The following FHAD1 variants were observed in gnomAD, a reference collection of about 807,000 sequenced individuals.
FHAD1 encodes the protein forkhead associated phosphopeptide binding domain 1.
In FHAD1, 146 loss-of-function variants were observed where a neutral mutation model predicts 191.3. The ratio of observed to expected loss-of-function variants is 0.76; its 90% CI spans 0.67 to 0.88. FHAD1 has a LOEUF of 0.88. FHAD1 is among the 40% of genes least tolerant of loss of function. The pLI is 0.00. For synonymous variants in FHAD1, 616 were observed against 672.3 expected (o/e 0.92, Z 1.29); for missense variants, 1,635 against 1,785.8 (o/e 0.92, Z 1.52).
At chr1:15,363,773 T>G (rs945948914) in intron 23 of FHAD1, 3 of 456,316 alleles carry the variant, frequency 6.6e-6, no homozygotes, top group Non-Finnish European at 8.8e-6. Flanking sequence ...CTCAAAGAAC[T>G]GACAGTTTTC....
At chr1:15,351,720 A>G (rs187534723) in intron 19 of FHAD1, among the ~76,000 whole-genome samples, 1 of 152,220 alleles carries the variant, frequency 6.6e-6, no homozygotes, top group Admixed American at 6.5e-5. Context: ...AGTGTGGGTG[A>G]CCTTGTAGGA....
rs543107093 is a variant in FHAD1, at chr1:15,388,618, C to T, written c.4269+487C>T. 7.9e-5 allele frequency among the ~76,000 whole-genome samples: 12 copies of T among 151,766 alleles called. No individual in the cohort carries two copies. The East Asian group carries it at 1.8e-3, about 22-fold the overall frequency. On this transcript the variant is annotated intron_variant, in intron 32 of 33. Transcript: ENST00000688493. ...GGTGGGAGTGGCTACAAAACAGAGC[C>T]AGGAATGAGGATGAAAGTGCCTCGC...
Position 15,381,334 on chromosome 1 carries a change from A to G in FHAD1, c.3905A>G (p.Asn1302Ser), listed in dbSNP as rs756433851. 1 of 1,551,762 alleles carries G rather than the reference A, an allele frequency of 6.4e-7. No individual in the cohort carries two copies. Reference protein sequence around the residue: ...YLSRQEREKVNQLRQRDLDLV... With the variant: ...YLSRQEREKVSQLRQRDLDLV... ...TCCCGCCAGGAGAGGGAGAAGGTCA[A>G]CCAGCTTCGACAAAGGGACCTCGAC... Residue 1302 changes from asparagine (N) to serine (S), a missense_variant, in exon 30 of 34, where the codon AAC becomes AGC. Physicochemically the swap from Asn to Ser is conservative, Grantham distance 46. Transcript: ENST00000688493. The surrounding 1 kb of genome is among the most constrained non-coding windows in gnomAD (Gnocchi z 4.6).
intron 6 of FHAD1, among the ~76,000 whole-genome samples, chr1:15,306,810 G>C (rs1012503400): frequency 6.6e-6 from 1 of 152,248 alleles, no homozygotes; most frequent in Non-Finnish European, 1.5e-5. Flanking sequence ...CCATGCAGAA[G>C]TTTGCTGTGG....
At chr1:15,238,788 C>T (rs1645055112) in intron 1 of FHAD1, among the ~76,000 whole-genome samples, 1 of 152,222 alleles carries the variant, frequency 6.6e-6, no homozygotes, top group African/African-American at 2.4e-5. Context: ...AGGCTCTGGG[C>T]CCTCTTTCCA....
chr1:15,347,989 A>G, intron 18 of FHAD1, among the ~76,000 whole-genome samples: 1 of 152,224 alleles, frequency 6.6e-6, no homozygotes, highest in South Asian at 2.1e-4. Context: ...TGGCGAGTGT[A>G]GACGCAGAGT....
At chr1:15,266,824 T>C (rs1274929980) in intron 2 of FHAD1, among the ~76,000 whole-genome samples, 3 of 152,234 alleles carry the variant, frequency 2.0e-5, no homozygotes, top group African/African-American at 7.2e-5. Flanking sequence ...TTTCATGTAG[T>C]TGAAATCATA....
At chr1:15,252,651 G>C (rs1373431394) in intron 2 of FHAD1, among the ~76,000 whole-genome samples, 1 of 152,216 alleles carries the variant, frequency 6.6e-6, no homozygotes, top group Non-Finnish European at 1.5e-5. Flanking sequence ...CACAGAGCTG[G>C]TGCTTTGGCC....
At chr1:15,299,219 GA>G (rs796954256) in intron 5 of FHAD1, among the ~76,000 whole-genome samples, 7,175 of 119,298 alleles carry the variant, frequency 0.06, 510 homozygotes, top group African/African-American at 0.21. Flanking sequence ...AAAAAAAAAG[GA>G]AAAAAAAAAA....
downstream of FHAD1, among the ~76,000 whole-genome samples, chr1:15,402,408 A>G (rs565946608): frequency 6.6e-6 from 1 of 152,292 alleles, no homozygotes; most frequent in African/African-American, 2.4e-5. Flanking sequence ...ATGTGTATAT[A>G]TGTGCCATGT....
chr1:15,293,334 T>C (rs1574048456), intron 4 of FHAD1, among the ~76,000 whole-genome samples: 1 of 152,226 alleles, frequency 6.6e-6, no homozygotes, highest in Non-Finnish European at 1.5e-5. Flanking sequence ...GATTCTCAAA[T>C]ACATGGAATC....
intron 5 of FHAD1, among the ~76,000 whole-genome samples, chr1:15,298,747 T>C (rs1667703783): frequency 6.6e-6 from 1 of 152,214 alleles, no homozygotes; most frequent in Admixed American, 6.5e-5. Context: ...TAGCCATTTT[T>C]AATCCACCAC....
chr1:15,304,585 A>T (rs1172583793), intron 6 of FHAD1, among the ~76,000 whole-genome samples: 1 of 152,116 alleles, frequency 6.6e-6, no homozygotes, highest in African/African-American at 2.4e-5. Flanking sequence ...AACTTTTTTA[A>T]AAAAAAATTC....
chr1:15,280,698 C>CA (rs1351017305), intron 3 of FHAD1, among the ~76,000 whole-genome samples: 3 of 152,196 alleles, frequency 2.0e-5, no homozygotes, highest in African/African-American at 7.2e-5. Context: ...TTCATTCAGT[C>CA]ACTCAATCTG....
Position 15,388,052 on chromosome 1 carries a change from A to C in FHAD1, c.4190A>C (p.Glu1397Ala). The C allele has an allele frequency of 3.9e-6, 5 of 1,289,276 alleles. No homozygotes were observed. Among genetic ancestry groups the C allele is most frequent in the Non-Finnish European group, 5.1e-6 (5 of 988,288 alleles). The allele number at this position is 1,289,276 out of a possible 1,614,324, so 79.9% of individuals were successfully genotyped here. A position where few individuals can be genotyped will look rare whatever the true frequency, so the allele number is the denominator to read the frequency against. ...GCTAACCTGATACTTTTCACTCAGG[A>C]AAGTGTAGAGGAGCACGAACTGAGA... Reference protein sequence around the residue: ...RINRAIRQQKESVEEHELRNA... With the variant: ...RINRAIRQQKASVEEHELRNA... The change falls in exon 32 of 34, where the codon GAA (glutamate) becomes GCA (alanine). Residue 1397 changes from glutamate (E) to alanine (A), a missense_variant and splice_region_variant. Physicochemically the swap from Glu to Ala is moderately radical, Grantham distance 107 (BLOSUM62 -1). Transcript: ENST00000688493.
rs550259818 is a variant in FHAD1 at position 15,360,057 on chromosome 1, G to A, written c.2737-421G>A. On this transcript the variant is annotated intron_variant, in intron 21 of 33. Coordinates refer to ENST00000688493, the MANE Select transcript of FHAD1 (RefSeq NM_001391957.1). ...GAACCCAGGAGGCAGAGGTTGCAGTGAGCCAAGATAGTGCCACTGCACTCT... is the reference window on the plus strand; with the variant it reads ...GAACCCAGGAGGCAGAGGTTGCAGTAAGCCAAGATAGTGCCACTGCACTCT... Among the ~76,000 whole-genome samples the A allele has an allele frequency of 1.1e-3, 165 of 152,318 alleles. 1 individual carries two copies. The highest frequency in any genetic ancestry group is 1.9e-3 in the Non-Finnish European group (127 of 68,034).
intron 4 of FHAD1, among the ~76,000 whole-genome samples, chr1:15,290,490 C>T (rs914829432): frequency 3.3e-5 from 5 of 152,086 alleles, no homozygotes; most frequent in African/African-American, 9.7e-5. Flanking sequence ...TATCTTTTTC[C>T]GGTCTTGCTC....
chr1:15,307,987 C>T (rs1558064357), intron 6 of FHAD1, among the ~76,000 whole-genome samples: 1 of 152,222 alleles, frequency 6.6e-6, no homozygotes, highest in Non-Finnish European at 1.5e-5. Context: ...GCCTCAGCCT[C>T]CCAAAGTGCT....
chr1:15,316,607 C>T lies in FHAD1; in HGVS notation c.1260+140C>T, dbSNP rs1279524946. 84 of 732,928 alleles carry T rather than the reference C, an allele frequency of 1.1e-4. No homozygotes were observed. Among genetic ancestry groups the T allele is most frequent in the Non-Finnish European group, 2.0e-5 (9 of 447,306 alleles). The allele number at this position is 732,928 out of a possible 1,614,324, so 45.4% of individuals were successfully genotyped here. ...GCTTGTTTAACATAGTCTCATTGCTCTTTGATCTGCTGCTTCTGCAAGAAA... is the reference window on the plus strand; with the variant it reads ...GCTTGTTTAACATAGTCTCATTGCTTTTTGATCTGCTGCTTCTGCAAGAAA... On this transcript the variant is annotated intron_variant, in intron 9 of 33. Transcript: ENST00000688493. This position sits in a 1 kb window ranked among gnomAD's most constrained non-coding sequence, Gnocchi z 4.3.
Sources: allele counts gnomAD v4.1 joint callset (sites outside exome capture counted in the v4.1 genomes callset), GRCh38; gene constraint gnomAD v4.1.1; non-coding constraint Gnocchi (gnomAD v3.1); transcripts MANE v1.5; gene names NCBI Gene and HGNC (gene_info 2026-07-23, HGNC 2026-07-21).